PDE7A: variants seen among roughly 807,000 people sequenced by gnomAD.
The protein encoded by PDE7A is phosphodiesterase 7A.
Under a neutral mutation model 64.3 loss-of-function variants are expected in PDE7A, and 39 were observed. That is an observed-to-expected ratio of 0.61 (90% CI 0.47 to 0.79). The LOEUF (loss-of-function observed/expected upper bound fraction) is 0.79. PDE7A is among the 30% of genes least tolerant of loss of function. PDE7A has a pLI of 0.00. For synonymous variants in PDE7A, 203 were observed against 206.8 expected, an observed-to-expected ratio of 0.98 and a Z score of 0.16; for missense variants, 470 against 582.8, an observed-to-expected ratio of 0.81 and a Z score of 1.99.
chr8:65,841,994 G>T lies in PDE7A; in HGVS notation c.-486C>A. ...CGCCGCCGCCGCCGCCGCCGCCGCC[G>T]GAGTCCTGCTCCTCCCCTCCCCCGG... On this transcript the variant is annotated 5_prime_UTR_variant, in exon 1 of 13. Coordinates refer to ENST00000401827, the MANE Select transcript of PDE7A (RefSeq NM_001242318.3). The T allele has an allele frequency of 3.9e-6, 1 of 258,278 alleles. No individual in the cohort carries two copies. Among genetic ancestry groups the T allele is most frequent in the Non-Finnish European group, 7.4e-6 (1 of 135,394 alleles). 16.0% of individuals were successfully genotyped at this position (258,278 alleles called of 1,614,324 possible). A position where few individuals can be genotyped will look rare whatever the true frequency, so the allele number is the denominator to read the frequency against.
intron 1 of PDE7A, 92 bp from the exon 2 acceptor site, chr8:65,782,935 G>A: frequency 1.3e-6 from 1 of 762,800 alleles, no homozygotes; most frequent in South Asian, 1.7e-5. Flanking sequence ...TATTATTTGT[G>A]AAGCACTGTG....
At chr8:65,805,512 G>A (rs1234641379) in intron 1 of PDE7A, among the ~76,000 whole-genome samples, 1 of 152,180 alleles carries the variant, frequency 6.6e-6, no homozygotes, top group East Asian at 1.9e-4. Flanking sequence ...TAATTAACCT[G>A]TTCTGGGAAG....
chr8:65,721,180 A>AT (rs1806362814), intron 12 of PDE7A, among the ~76,000 whole-genome samples: 1 of 152,206 alleles, frequency 6.6e-6, no homozygotes, highest in South Asian at 2.1e-4. Context: ...TTGTGACTCC[A>AT]TTTAATTGTA....
chr8:65,750,861 A>G (rs1807916202), intron 3 of PDE7A, among the ~76,000 whole-genome samples: 2 of 152,206 alleles, frequency 1.3e-5, no homozygotes, highest in Admixed American at 1.3e-4. Context: ...TTCATTATCA[A>G]GAGTTCTATT....
At chr8:65,797,933 T>C (rs1286456971) in intron 1 of PDE7A, among the ~76,000 whole-genome samples, 3 of 150,548 alleles carry the variant, frequency 2.0e-5, no homozygotes, top group Non-Finnish European at 4.4e-5. Context: ...AATATATCCA[T>C]AATCTAGGGT....
intron 1 of PDE7A, among the ~76,000 whole-genome samples, chr8:65,789,467 T>C (rs1214804299): frequency 6.6e-6 from 1 of 152,258 alleles, no homozygotes. Flanking sequence ...TTTGTTCAAC[T>C]TTTTATTTCT....
In PDE7A at chr8:65,798,206, A is replaced by ATATATATATTTTTTT; in HGVS notation, c.139-15364_139-15363insAAAAAAATATATATA. ...TATATATATATATATATATATATAT[A>ATATATATATTTTTTT]TTTTTTTTTTTTTGAGATGGAGTCT... On this transcript the variant is annotated intron_variant, in intron 1 of 12. Coordinates refer to ENST00000401827, the MANE Select transcript of PDE7A (RefSeq NM_001242318.3). Among the ~76,000 whole-genome samples, 250 of 73,748 alleles carry ATATATATATTTTTTT rather than the reference A, an allele frequency of 3.4e-3. 1 individual carries two copies. The highest frequency in any genetic ancestry group is 0.012 in the Middle Eastern group (2 of 170). The allele number at this position is 73,748 out of a possible 152,430, so 48.4% of individuals were successfully genotyped here. A position where few individuals can be genotyped will look rare whatever the true frequency, so the allele number is the denominator to read the frequency against.
intron 3 of PDE7A, among the ~76,000 whole-genome samples, chr8:65,756,145 G>A (rs1429807139): frequency 6.6e-6 from 1 of 152,174 alleles, no homozygotes; most frequent in African/African-American, 2.4e-5. Flanking sequence ...ATCTTATTGA[G>A]AATCCCTTGT....
intron 1 of PDE7A, among the ~76,000 whole-genome samples, chr8:65,790,919 T>C (rs183186721): frequency 2.8e-3 from 421 of 152,276 alleles, no homozygotes; most frequent in South Asian, 0.013. Flanking sequence ...CTGGCGGTCA[T>C]CTGTAAGAGG....
intron 6 of PDE7A, among the ~76,000 whole-genome samples, chr8:65,738,812 C>A (rs1264492328): frequency 3.3e-5 from 5 of 152,232 alleles, no homozygotes; most frequent in Non-Finnish European, 7.3e-5. Context: ...TATACCTGCT[C>A]TTTTAAAGTT....
chr8:65,836,463 T>C (rs1208713304), intron 1 of PDE7A, among the ~76,000 whole-genome samples: 2 of 152,176 alleles, frequency 1.3e-5, no homozygotes, highest in African/African-American at 4.8e-5. Flanking sequence ...ACAGACAGGA[T>C]CACCTATTTT....
chr8:65,841,394 G>C lies in PDE7A; in HGVS notation c.115C>G (p.Pro39Ala). Residue 39 changes from proline to alanine, a missense_variant, in exon 1 of 13, where the codon CCC becomes GCC. By Grantham distance (27) the Pro-to-Ala change is conservative. Coordinates refer to ENST00000401827, the MANE Select transcript of PDE7A (RefSeq NM_001242318.3). ...FSSSSALFGC[P>A]NPRQLSQRRG... Reference sequence around the variant, plus strand: ...ACCTGAGAGAGCTGCCGGGGATTGGGGCAGCCGAAGAGAGCGGAGCTGGAG... The same window carrying C: ...ACCTGAGAGAGCTGCCGGGGATTGGCGCAGCCGAAGAGAGCGGAGCTGGAG... 6.4e-7 allele frequency: 1 copy of C among 1,561,852 alleles called. No individual in the cohort carries two copies. Among genetic ancestry groups the C allele is most frequent in the Non-Finnish European group, 8.6e-7 (1 of 1,158,632 alleles).
At chr8:65,797,756 G>A (rs1464765125) in intron 1 of PDE7A, among the ~76,000 whole-genome samples, 1 of 151,848 alleles carries the variant, frequency 6.6e-6, no homozygotes, top group Non-Finnish European at 1.5e-5. Context: ...GGAAAGTATA[G>A]TCTTTTCAAT....
intron 1 of PDE7A, among the ~76,000 whole-genome samples, chr8:65,816,078 T>TTAAC (rs751167059): frequency 3.9e-5 from 6 of 152,068 alleles, no homozygotes; most frequent in Non-Finnish European, 8.8e-5. Flanking sequence ...GTTATTTATG[T>TTAAC]TAACATGTAA....
At chr8:65,808,323 A>G (rs1307273608) in intron 1 of PDE7A, among the ~76,000 whole-genome samples, 1 of 152,218 alleles carries the variant, frequency 6.6e-6, no homozygotes, top group Non-Finnish European at 1.5e-5. Flanking sequence ...AGTTAATAAT[A>G]ATGAATAAGT....
chr8:65,758,289 G>A lies in PDE7A; in HGVS notation c.284-10486C>T, dbSNP rs570735289. Among the ~76,000 whole-genome samples, 3 of 152,262 alleles carry A rather than the reference G, an allele frequency of 2.0e-5. No homozygotes were observed. In the East Asian group the frequency reaches 5.8e-4, roughly 29 times the overall value. ...AGGCCCTCAGGAATTCTGGCATAAG[G>A]CTTAAAAATACAGTTATACTTTCTT... On this transcript the variant is annotated intron_variant, in intron 3 of 12. Transcript: ENST00000401827.
intron 6 of PDE7A, 108 bp from the exon 7 acceptor site, chr8:65,735,002 G>A (rs144561326): frequency 1.4e-4 from 97 of 717,010 alleles, no homozygotes; most frequent in African/African-American, 1.3e-3. Context: ...TGTAGCTATC[G>A]GCTAAAATCG....
chr8:65,768,407 A>G (rs1383471732), intron 3 of PDE7A, among the ~76,000 whole-genome samples: 2 of 152,110 alleles, frequency 1.3e-5, no homozygotes. Flanking sequence ...CATGATAGTG[A>G]ATAAGTCTCA....
At chr8:65,814,806 A>T (rs966628815) in intron 1 of PDE7A, among the ~76,000 whole-genome samples, 1 of 152,062 alleles carries the variant, frequency 6.6e-6, no homozygotes, top group Admixed American at 6.6e-5. Flanking sequence ...GGAGATCGAG[A>T]CCAGCCTGAC....
Sources: allele counts gnomAD v4.1 joint callset (sites outside exome capture counted in the v4.1 genomes callset), GRCh38; gene constraint gnomAD v4.1.1; transcripts MANE v1.5; gene names NCBI Gene and HGNC (gene_info 2026-07-23, HGNC 2026-07-21).